SPSB1: variants seen among roughly 807,000 people sequenced by gnomAD.
SPSB1 encodes the protein SPRY domain-containing SOCS box protein 1.
A neutral mutation model predicts 21.2 loss-of-function variants in SPSB1; 8 were observed. That is an observed-to-expected ratio of 0.38 (90% confidence interval 0.22 to 0.68). The LOEUF is 0.68. SPSB1 is among the 30% of genes least tolerant of loss of function. The probability of loss-of-function intolerance (pLI) is 0.53; values close to 1 mark genes in which losing one functional copy is unlikely to be tolerated. For missense variants in SPSB1, 242 were observed against 377.8 expected (o/e 0.64, Z 2.98); for synonymous variants, 169 against 161.7 (o/e 1.05, Z -0.34).
At chr1:9,296,501 C>G (rs901437789) in intron 1 of SPSB1, among the ~76,000 whole-genome samples, 1 of 152,166 alleles carries the variant, frequency 6.6e-6, no homozygotes, top group African/African-American at 2.4e-5. Flanking sequence ...GTATAATGAG[C>G]GATCAGGTTT....
intron 1 of SPSB1, among the ~76,000 whole-genome samples, chr1:9,339,623 C>A (rs1393121218): frequency 6.6e-6 from 1 of 152,114 alleles, no homozygotes; most frequent in Non-Finnish European, 1.5e-5. Context: ...GTCTAAGGGA[C>A]CTTTGGAGAA....
chr1:9,368,025 G>A lies in SPSB1; in HGVS notation c.*450G>A, dbSNP rs1228279401. On this transcript the variant is annotated 3_prime_UTR_variant, in exon 3 of 3. Transcript: ENST00000328089. ...CTAAGAGGTGCTTAGACAAGGGCTG[G>A]TGCCCGGCCCAGGGTGCCCAGCGGG... 2.4e-5 allele frequency: 4 copies of A among 165,272 alleles called. No homozygotes were observed. The highest frequency in any genetic ancestry group is 1.7e-4 in the Admixed American group (3 of 17,996). 10.2% of individuals were successfully genotyped at this position (165,272 alleles called of 1,614,324 possible).
At chr1:9,358,742 C>T (rs1640417973) in intron 2 of SPSB1, among the ~76,000 whole-genome samples, 1 of 152,174 alleles carries the variant, frequency 6.6e-6, no homozygotes. Flanking sequence ...GATTTCCAGC[C>T]CTGTGCCCTC....
At chr1:9,364,873 CAG>C (rs1640541448) in intron 2 of SPSB1, among the ~76,000 whole-genome samples, 2 of 152,072 alleles carry the variant, frequency 1.3e-5, no homozygotes, top group African/African-American at 2.4e-5. Context: ...TTTTCTGAGA[CAG>C]AGTCTTGCTC....
At chr1:9,337,383 C>T (rs1640020670) in intron 1 of SPSB1, among the ~76,000 whole-genome samples, 1 of 151,950 alleles carries the variant, frequency 6.6e-6, no homozygotes, top group Non-Finnish European at 1.5e-5. Context: ...AGGAGTGTGG[C>T]CAGGGCAGGC....
At chr1:9,313,461 A>C (rs534585646) in intron 1 of SPSB1, among the ~76,000 whole-genome samples, 4 of 152,364 alleles carry the variant, frequency 2.6e-5, no homozygotes, top group African/African-American at 4.8e-5. Flanking sequence ...TGCACAGCCA[A>C]GAACTCAAGC....
intron 1 of SPSB1, among the ~76,000 whole-genome samples, chr1:9,306,348 C>A (rs999830140): frequency 6.6e-6 from 1 of 152,150 alleles, no homozygotes; most frequent in Admixed American, 6.5e-5. Flanking sequence ...GAGGGATAAC[C>A]AGTTTTCCTT....
rs907628263 is a variant in SPSB1 at position 9,356,800 on chromosome 1, G to A, written c.694+215G>A. On this transcript the variant is annotated intron_variant, in intron 2 of 2. Transcript: ENST00000328089. The surrounding 1 kb of genome is among the most constrained non-coding windows in gnomAD (Gnocchi z 7.4). ...CCTAACGGTGCCTCATGAATGAATG[G>A]ACAGATGGATGGATGATGGATGATG... 2.0e-5 allele frequency among the ~76,000 whole-genome samples: 3 copies of A among 152,226 alleles called. No homozygotes were observed. Among genetic ancestry groups the A allele is most frequent in the African/African-American group, 7.2e-5 (3 of 41,466 alleles).
rs1640344974 is a variant in SPSB1 at position 9,355,346 on chromosome 1, C to T, written c.-149-397C>T. ...TCTGAACCGCAAGGCAAGGGCCATG[C>T]ACCTCCCTCTGTTTTGACCAAGCAA... On this transcript the variant is annotated intron_variant, in intron 1 of 2. Transcript: ENST00000328089. Among the ~76,000 whole-genome samples the T allele has an allele frequency of 2.0e-5, 3 of 152,372 alleles. 1 individual carries two copies. The highest frequency in any genetic ancestry group is 4.1e-4 in the South Asian group (2 of 4,834).
chr1:9,349,241 C>T (rs1384263577), intron 1 of SPSB1, among the ~76,000 whole-genome samples: 1 of 152,212 alleles, frequency 6.6e-6, no homozygotes, highest in Non-Finnish European at 1.5e-5. Flanking sequence ...ATGGTTCCTG[C>T]CTGCATCCCG....
chr1:9,352,948 T>C (rs1286557305), intron 1 of SPSB1, among the ~76,000 whole-genome samples: 1 of 144,886 alleles, frequency 6.9e-6, no homozygotes, highest in Non-Finnish European at 1.6e-5. Flanking sequence ...GCTGCCACAG[T>C]TGAGCGGCAG....
At position 9,342,182 on chromosome 1, in the gene SPSB1, T is replaced by C. The variant is rs1479130873; in HGVS notation, c.-149-13561T>C. Among the ~76,000 whole-genome samples the C allele has an allele frequency of 2.6e-5, 4 of 152,162 alleles. No homozygotes were observed. The East Asian group carries it at 7.7e-4, about 29-fold the overall frequency. ...GGTGGAGTTCTCGGCCGACTTCCCATGTTCCATGTGAGTGAGCCTGGCCAG... is the reference window on the plus strand; with the variant it reads ...GGTGGAGTTCTCGGCCGACTTCCCACGTTCCATGTGAGTGAGCCTGGCCAG... On this transcript the variant is annotated intron_variant, in intron 1 of 2. Transcript: ENST00000328089.
At chr1:9,328,397 G>T (rs1639854017) in intron 1 of SPSB1, among the ~76,000 whole-genome samples, 1 of 152,208 alleles carries the variant, frequency 6.6e-6, no homozygotes, top group Admixed American at 6.5e-5. Context: ...ACTTCTCAGA[G>T]CCTTTAAGAT....
rs546253365 is a variant in SPSB1, at chr1:9,305,035, C to T, written c.-150+11964C>T. ...TTCCCTGGGCTTCACCTGCCTCCTG[C>T]GCCCAGACCCATCTGGCATTGCCTT... On this transcript the variant is annotated intron_variant, in intron 1 of 2. Transcript: ENST00000328089. The surrounding 1 kb of genome is among the most constrained non-coding windows in gnomAD (Gnocchi z 4.8). 4.6e-5 allele frequency among the ~76,000 whole-genome samples: 7 copies of T among 152,234 alleles called. No homozygotes were observed. The highest frequency in any genetic ancestry group is 2.1e-4 in the South Asian group (1 of 4,826).
chr1:9,298,407 C>T (rs60674790), intron 1 of SPSB1, among the ~76,000 whole-genome samples: 17,174 of 101,092 alleles, frequency 0.17, 1,161 homozygotes, highest in South Asian at 0.25. Flanking sequence ...AATGAGTGAA[C>T]GAATGAATGA....
At chr1:9,366,126 G>C (rs1218480589) in intron 2 of SPSB1, among the ~76,000 whole-genome samples, 1 of 152,262 alleles carries the variant, frequency 6.6e-6, no homozygotes, top group Non-Finnish European at 1.5e-5. Context: ...ACACAGGATG[G>C]AGGTGCCTGG....
At position 9,353,340 on chromosome 1, in the gene SPSB1, T is replaced by A. The variant is rs192723737; in HGVS notation, c.-149-2403T>A. 2.5e-3 allele frequency among the ~76,000 whole-genome samples: 387 copies of A among 152,200 alleles called. 2 individuals carry two copies. Among genetic ancestry groups the A allele is most frequent in the Non-Finnish European group, 3.0e-3 (201 of 67,988 alleles). On this transcript the variant is annotated intron_variant, in intron 1 of 2. Transcript: ENST00000328089. ...CTCTCTCCCCCTTCCCTCCCGCAGCTTGAGGCGCAGGCCCCAAAGCCACAG... is the reference window on the plus strand; with the variant it reads ...CTCTCTCCCCCTTCCCTCCCGCAGCATGAGGCGCAGGCCCCAAAGCCACAG...
chr1:9,368,662 C>T lies in SPSB1; in HGVS notation c.*1087C>T, dbSNP rs1195262814. On this transcript the variant is annotated 3_prime_UTR_variant, in exon 3 of 3. Transcript: ENST00000328089. ...AAGCTCTGGGTGTGCCAGAGGACCC[C>T]CAGAACTAAGAAGGGAGGGCGAGTG... is the stretch of plus-strand genomic sequence containing the variant. The T allele has an allele frequency of 1.3e-5, 2 of 152,102 alleles. No homozygotes were observed. Among genetic ancestry groups the T allele is most frequent in the African/African-American group, 4.8e-5 (2 of 41,400 alleles). The allele number at this position is 152,102 out of a possible 1,614,324, so 9.4% of individuals were successfully genotyped here.
At chr1:9,299,982 A>AG (rs1434400200) in intron 1 of SPSB1, among the ~76,000 whole-genome samples, 2 of 148,616 alleles carry the variant, frequency 1.3e-5, no homozygotes, top group Non-Finnish European at 3.0e-5. Flanking sequence ...AAAAAAAAAA[A>AG]GGGTCTCATG....
Sources: allele counts gnomAD v4.1 joint callset (sites outside exome capture counted in the v4.1 genomes callset), GRCh38; gene constraint gnomAD v4.1.1; non-coding constraint Gnocchi (gnomAD v3.1); transcripts MANE v1.5; gene names NCBI Gene and HGNC (gene_info 2026-07-23, HGNC 2026-07-21).